Variants in BTBD8 observed in about 807,000 individuals in gnomAD.
BTBD8 encodes the protein BTB domain containing 8.
In BTBD8, 110 loss-of-function variants were observed where a neutral mutation model predicts 162.9. The ratio of observed to expected loss-of-function variants is 0.68; its 90% CI spans 0.58 to 0.79. The LOEUF (loss-of-function observed/expected upper bound fraction) is 0.79. Ranked by LOEUF, BTBD8 falls within the 30% of genes least tolerant of loss-of-function variation. The pLI is 0.00. For synonymous variants in BTBD8, 667 were observed against 716.1 expected, an observed-to-expected ratio of 0.93 and a Z score of 1.10; for missense variants, 1,905 against 2,085.4, an observed-to-expected ratio of 0.91 and a Z score of 1.68.
In BTBD8 at chr1:92,080,446, C is replaced by T. The variant is rs1276915732; in HGVS notation, c.-126C>T. ...CTACAAACCGACGAGAGGCGTCAAC[C>T]TTTTACCCTAGGGGGCGGATTTGGG... On this transcript the variant is annotated 5_prime_UTR_variant, in exon 1 of 18. Transcript: ENST00000636805. 2 of 1,414,456 alleles carry T rather than the reference C, an allele frequency of 1.4e-6. No individual in the cohort carries two copies. The highest frequency in any genetic ancestry group is 2.5e-5 in the East Asian group (1 of 40,006). 87.6% of individuals were successfully genotyped at this position (1,414,456 alleles called of 1,614,324 possible).
rs187417029 is a variant in BTBD8, at chr1:92,115,251, C to T, written c.662+7250C>T. The T allele has an allele frequency of 2.6e-4, 125 of 482,890 alleles. No individual in the cohort carries two copies. In the East Asian group the frequency reaches 6.1e-3, roughly 23 times the overall value. 29.9% of individuals were successfully genotyped at this position (482,890 alleles called of 1,614,324 possible). On this transcript the variant is annotated intron_variant, in intron 4 of 17. Coordinates refer to ENST00000636805, the MANE Select transcript of BTBD8 (RefSeq NM_001376131.1). ...GTTTCCCAGAGGGGCCATCCACAGT[C>T]TTCTAGATGGCAGTGATGGCATGGA...
chr1:92,081,017 TG>T (rs1647998953), intron 1 of BTBD8, among the ~76,000 whole-genome samples: 1 of 152,190 alleles, frequency 6.6e-6, no homozygotes. Flanking sequence ...CACGCTTAGT[TG>T]TTTCCAATCA....
chr1:92,088,441 T>A (rs78786006), intron 1 of BTBD8, among the ~76,000 whole-genome samples: 11,947 of 152,244 alleles, frequency 0.078, 1,349 homozygotes, highest in African/African-American at 0.25. Flanking sequence ...AATTCATAAG[T>A]AAATATTTTG....
At position 92,167,157 on chromosome 1, in the gene BTBD8, A is replaced by G. The variant is rs1452751522; in HGVS notation, c.1305+17A>G. ...CTTTTACAGGTACTATGCCTAAATT[A>G]TATCCTATATTTAGTTCCATCTTTG... is the stretch of plus-strand genomic sequence containing the variant. On this transcript the variant is annotated intron_variant, in intron 10 of 17. Coordinates refer to ENST00000636805, the MANE Select transcript of BTBD8 (RefSeq NM_001376131.1). 1 of 1,549,438 alleles carries G rather than the reference A, an allele frequency of 6.5e-7. No individual in the cohort carries two copies. Among genetic ancestry groups the G allele is most frequent in the Non-Finnish European group, 8.7e-7 (1 of 1,146,274 alleles).
In BTBD8 at chr1:92,182,078, T is replaced by G; in HGVS notation, c.4395T>G (p.Ser1465=). The change falls in exon 17 of 18, where the codon TCT becomes TCG. Residue 1465 remains serine, a synonymous_variant. Transcript: ENST00000636805. ...VHTPFQASVD[S]FSPSDVFDGI... is the part of the protein sequence containing the mutation. ...CTCCCTTTCAGGCTTCTGTAGATTC[T>G]TTTTCACCTTCTGATGTTTTTGATG... 5.2e-6 allele frequency: 8 copies of G among 1,551,494 alleles called. No individual in the cohort carries two copies. The highest frequency in any genetic ancestry group is 7.0e-6 in the Non-Finnish European group (8 of 1,146,906).
Position 92,176,852 on chromosome 1 carries a change from T to C in BTBD8, c.1659T>C (p.Ser553=), listed in dbSNP as rs1394690040. The change falls in exon 14 of 18, where the codon TCT becomes TCC. Residue 553 remains serine (S), a synonymous_variant. Transcript: ENST00000636805. The part of the protein sequence containing the change: ...SSQQRKQVSD[S]GDIKIKSWRG... ...AGCAAAGGAAACAAGTTTCTGACTC[T>C]GGTGATATAAAAATCAAATCTTGGA... The C allele has an allele frequency of 8.9e-6, 13 of 1,455,348 alleles. No individual in the cohort carries two copies. The highest frequency in any genetic ancestry group is 1.8e-4 in the Middle Eastern group (1 of 5,480). 90.2% of individuals were successfully genotyped at this position (1,455,348 alleles called of 1,614,324 possible).
chr1:92,151,882 C>T (rs964163926), intron 9 of BTBD8, among the ~76,000 whole-genome samples: 6 of 152,110 alleles, frequency 3.9e-5, no homozygotes, highest in Non-Finnish European at 7.4e-5. Flanking sequence ...CATTTCATTC[C>T]TTTTTATGGC....
chr1:92,168,739 G>T (rs995606317), intron 11 of BTBD8, 127 bp from the exon 12 acceptor site: 23 of 888,578 alleles, frequency 2.6e-5, no homozygotes, highest in Admixed American at 1.9e-4. Flanking sequence ...TGTACCCAAC[G>T]ATCTTAAAAA....
chr1:92,099,914 G>A (rs1648543895), intron 2 of BTBD8, among the ~76,000 whole-genome samples: 1 of 152,150 alleles, frequency 6.6e-6, no homozygotes, highest in South Asian at 2.1e-4. Context: ...TTGAATAGAA[G>A]TGGTAAGAGC....
chr1:92,180,038 T>G (rs1039335504), intron 16 of BTBD8, among the ~76,000 whole-genome samples: 1 of 152,176 alleles, frequency 6.6e-6, no homozygotes, highest in Non-Finnish European at 1.5e-5. Context: ...TAATTTTTAC[T>G]GGGACCCTGG....
At chr1:92,119,349 G>A (rs1380306831) in intron 4 of BTBD8, among the ~76,000 whole-genome samples, 4 of 146,298 alleles carry the variant, frequency 2.7e-5, no homozygotes, top group Non-Finnish European at 6.0e-5. Context: ...ACAGTGACGC[G>A]ATCATGGGTC....
chr1:92,147,544 G>A, intron 8 of BTBD8, 140 bp from the exon 9 acceptor site: 1 of 651,828 alleles, frequency 1.5e-6, no homozygotes, highest in East Asian at 2.8e-5. Context: ...AGAATATAAA[G>A]TCCATTTTAG....
rs1467420224 is a variant in BTBD8, at chr1:92,181,701, G to A, written c.4018G>A (p.Asp1340Asn). The change falls in exon 17 of 18, where the codon GAT becomes AAT. Residue 1340 changes from aspartate (D) to asparagine (N), a missense_variant. Coordinates refer to ENST00000636805, the MANE Select transcript of BTBD8 (RefSeq NM_001376131.1). ...TTTCCAAGTTAATTCAACGAGTGAT[G>A]ATGAAATCCCTAGGAAAAGGCCAGA... ...DLFQVNSTSD[D>N]EIPRKRPEIW... 6.4e-7 allele frequency: 1 copy of A among 1,551,488 alleles called. No homozygotes were observed. The highest frequency in any genetic ancestry group is 2.0e-5 in the Admixed American group (1 of 50,972).
Position 92,102,586 on chromosome 1 carries a change from G to A in BTBD8, c.461G>A (p.Cys154Tyr). The A allele has an allele frequency of 1.3e-6, 2 of 1,598,580 alleles. No homozygotes were observed. Among genetic ancestry groups the A allele is most frequent in the South Asian group, 1.1e-5 (1 of 87,738 alleles). ...CAACTTGACATCAGTTTTCCAAAGT[G>A]TGAAAACTCATCTGATTGTTCTCTT... ...QKQLDISFPK[C>Y]ENSSDCSLQK... Residue 154 changes from cysteine to tyrosine, a missense_variant, in exon 3 of 18, where the codon TGT (cysteine) becomes TAT (tyrosine). Cys to Tyr is a radical substitution (Grantham distance 194). This residue lies in a region of BTBD8 where 1,374 missense variants were observed against 1,442.7 expected (regional missense o/e 0.95). Coordinates refer to ENST00000636805, the MANE Select transcript of BTBD8 (RefSeq NM_001376131.1).
intron 2 of BTBD8, among the ~76,000 whole-genome samples, chr1:92,096,584 T>G (rs2101898689): frequency 6.6e-6 from 1 of 151,728 alleles, no homozygotes; most frequent in East Asian, 1.9e-4. Context: ...GATATTTCAT[T>G]CTGTTGCCTA....
intron 4 of BTBD8, among the ~76,000 whole-genome samples, chr1:92,121,871 A>G (rs185962109): frequency 2.7e-5 from 4 of 148,438 alleles, no homozygotes; most frequent in East Asian, 4.0e-4. Flanking sequence ...GAGTCTTGCT[A>G]TGTTACCCAG....
At chr1:92,118,656 T>G (rs1649107867) in intron 4 of BTBD8, among the ~76,000 whole-genome samples, 1 of 151,978 alleles carries the variant, frequency 6.6e-6, no homozygotes. Context: ...AGGGGTATTA[T>G]CCACATAAAT....
In BTBD8 at chr1:92,118,282, C is replaced by CTTT. The variant is rs3040583; in HGVS notation, c.662+10299_662+10301dup. Among the ~76,000 whole-genome samples, 145 of 122,254 alleles carry CTTT rather than the reference C, an allele frequency of 1.2e-3. 1 individual carries two copies. Among genetic ancestry groups the CTTT allele is most frequent in the African/African-American group, 3.4e-3 (109 of 32,420 alleles). 80.2% of individuals were successfully genotyped at this position (122,254 alleles called of 152,430 possible). A position where few individuals can be genotyped will look rare whatever the true frequency, so the allele number is the denominator to read the frequency against. ...TGGCTGTAACAGTTTTTCAGACTTT[C>CTTT]TTTTTTTTTTTTTTTTTTTTGATGA... On this transcript the variant is annotated intron_variant, in intron 4 of 17. Transcript: ENST00000636805.
At chr1:92,170,966 T>C (rs1024550924) in intron 12 of BTBD8, among the ~76,000 whole-genome samples, 4 of 151,972 alleles carry the variant, frequency 2.6e-5, no homozygotes, top group Non-Finnish European at 4.4e-5. Context: ...ATTTTTAATT[T>C]CAAGAGTATT....
Sources: gnomAD v4.1 joint callset for allele counts (sites outside exome capture counted in the v4.1 genomes callset) on GRCh38, gnomAD v4.1.1 for gene constraint, gnomAD v4.1.1 regional missense constraint, MANE v1.5 for transcripts, NCBI Gene and HGNC (gene_info 2026-07-23, HGNC 2026-07-21) for gene names.